The following ANKRD12 variants were observed in gnomAD, a reference collection of about 807,000 sequenced individuals.
The protein encoded by ANKRD12 is ankyrin repeat domain-containing protein 12.
In ANKRD12, 85 loss-of-function variants were observed where a neutral mutation model predicts 183.4. That is an observed-to-expected ratio of 0.46 (90% CI 0.39 to 0.56). ANKRD12 has a LOEUF of 0.56. Ranked by LOEUF, ANKRD12 falls within the 20% of genes least tolerant of loss-of-function variation. ANKRD12 has a pLI of 0.00. For missense variants in ANKRD12, 2,405 were observed against 2,357.1 expected, an observed-to-expected ratio of 1.02 and a Z score of -0.42; for synonymous variants, 914 against 800.2, an observed-to-expected ratio of 1.14 and a Z score of -2.40.
intron 1 of ANKRD12, among the ~76,000 whole-genome samples, chr18:9,143,709 C>G (rs1185742718): frequency 6.6e-6 from 1 of 152,190 alleles, no homozygotes; most frequent in African/African-American, 2.4e-5. Flanking sequence ...ATCCACCCAC[C>G]TTGGCCTCCC....
chr18:9,195,114 A>G (rs1039767512), intron 2 of ANKRD12, among the ~76,000 whole-genome samples: 3 of 152,206 alleles, frequency 2.0e-5, no homozygotes, highest in Non-Finnish European at 4.4e-5. Flanking sequence ...ACATGATCTC[A>G]TAAGTGGGAG....
intron 1 of ANKRD12, among the ~76,000 whole-genome samples, chr18:9,139,238 G>A (rs1226413965): frequency 1.3e-5 from 2 of 152,050 alleles, no homozygotes; most frequent in South Asian, 2.1e-4. Context: ...TACCCAAGGG[G>A]GAAAAAAGCC....
intron 10 of ANKRD12, among the ~76,000 whole-genome samples, chr18:9,271,313 G>A (rs893839864): frequency 1.3e-5 from 2 of 152,140 alleles, no homozygotes; most frequent in African/African-American, 2.4e-5. Flanking sequence ...TGAGGCAGGT[G>A]AGGAGATCGA....
intron 10 of ANKRD12, 82 bp downstream of exon 10, chr18:9,263,970 A>G (rs1598744609): frequency 9.0e-7 from 1 of 1,110,510 alleles, no homozygotes; most frequent in East Asian, 2.9e-5. Flanking sequence ...ATTTTTTATT[A>G]GTGGATTTTT....
At chr18:9,264,163 T>G (rs1261010733) in intron 10 of ANKRD12, among the ~76,000 whole-genome samples, 1 of 152,208 alleles carries the variant, frequency 6.6e-6, no homozygotes, top group Admixed American at 6.5e-5. Context: ...AGCAGTAGAT[T>G]CCTAGTGGAA....
intron 11 of ANKRD12, among the ~76,000 whole-genome samples, chr18:9,279,055 T>A (rs147620925): frequency 5.6e-4 from 85 of 152,330 alleles, no homozygotes; most frequent in African/African-American, 1.9e-3. Flanking sequence ...GTCTGTTAAT[T>A]CCAAAACTGG....
intron 1 of ANKRD12, among the ~76,000 whole-genome samples, chr18:9,155,647 T>G (rs1157200725): frequency 6.6e-6 from 1 of 152,234 alleles, no homozygotes. Context: ...GGTCAGACTT[T>G]TAAGTGAGAA....
At chr18:9,146,621 G>A (rs181942202) in intron 1 of ANKRD12, among the ~76,000 whole-genome samples, 1 of 152,276 alleles carries the variant, frequency 6.6e-6, no homozygotes, top group East Asian at 1.9e-4. Context: ...CTTTCTTTCA[G>A]CTATTAGAAT....
chr18:9,150,570 G>A (rs2078652081), intron 1 of ANKRD12, among the ~76,000 whole-genome samples: 1 of 152,120 alleles, frequency 6.6e-6, no homozygotes, highest in South Asian at 2.1e-4. Flanking sequence ...GATTGTAGAT[G>A]CCTGTACTTT....
rs1429997291 is a variant in ANKRD12 at position 9,281,638 on chromosome 18, A to T, written c.*512A>T. On this transcript the variant is annotated 3_prime_UTR_variant, in exon 13 of 13. Transcript: ENST00000262126. Reference sequence around the variant, plus strand: ...AGTTTTAATATTGTCTTCCTTTTTAATAACTTATTTTATACATATTGTGCA... The same window carrying T: ...AGTTTTAATATTGTCTTCCTTTTTATTAACTTATTTTATACATATTGTGCA... 6.6e-6 allele frequency: 1 copy of T among 152,666 alleles called. No homozygotes were observed. Among genetic ancestry groups the T allele is most frequent in the African/African-American group, 2.4e-5 (1 of 41,454 alleles). 9.5% of individuals were successfully genotyped at this position (152,666 alleles called of 1,614,324 possible).
intron 3 of ANKRD12, among the ~76,000 whole-genome samples, chr18:9,199,298 A>G (rs980327869): frequency 1.3e-5 from 2 of 152,164 alleles, no homozygotes; most frequent in Non-Finnish European, 2.9e-5. Flanking sequence ...GAAGGTGATC[A>G]TGATATTGGA....
intron 2 of ANKRD12, among the ~76,000 whole-genome samples, chr18:9,186,893 A>G (rs984898725): frequency 1.2e-4 from 18 of 151,752 alleles, no homozygotes; most frequent in Non-Finnish European, 2.6e-4. Flanking sequence ...CTGGGACTAC[A>G]GGTGCCCGCC....
intron 7 of ANKRD12, among the ~76,000 whole-genome samples, chr18:9,217,572 A>G (rs892735781): frequency 1.3e-5 from 2 of 152,196 alleles, no homozygotes; most frequent in Non-Finnish European, 2.9e-5. Context: ...TTACATTTCT[A>G]TAAGGCATTT....
intron 2 of ANKRD12, among the ~76,000 whole-genome samples, chr18:9,192,291 T>C (rs947149983): frequency 3.9e-5 from 6 of 152,224 alleles, no homozygotes; most frequent in Admixed American, 2.0e-4. Context: ...GATGTTATTC[T>C]TGTCACTTTG....
intron 1 of ANKRD12, among the ~76,000 whole-genome samples, chr18:9,141,593 G>A (rs1047271181): frequency 6.6e-6 from 1 of 152,190 alleles, no homozygotes; most frequent in African/African-American, 2.4e-5. Flanking sequence ...AAAGGAGGTA[G>A]ATTATGAAGC....
chr18:9,267,014 C>T (rs1404241477), intron 10 of ANKRD12, among the ~76,000 whole-genome samples: 1 of 151,918 alleles, frequency 6.6e-6, no homozygotes, highest in Non-Finnish European at 1.5e-5. Flanking sequence ...TCAAAAGAGA[C>T]AAAGAAGGCC....
chr18:9,147,644 G>A (rs1471203685), intron 1 of ANKRD12, among the ~76,000 whole-genome samples: 1 of 152,160 alleles, frequency 6.6e-6, no homozygotes, highest in African/African-American at 2.4e-5. Context: ...TGAGAGCAGT[G>A]TGACTAGAGG....
At chr18:9,213,625 AGT>A (rs1396977735) in intron 6 of ANKRD12, among the ~76,000 whole-genome samples, 1 of 151,842 alleles carries the variant, frequency 6.6e-6, no homozygotes, top group East Asian at 1.9e-4. Flanking sequence ...TATTCATCTA[AGT>A]TTTATAAATA....
At chr18:9,197,245 A>G (rs1478193303) in intron 3 of ANKRD12, among the ~76,000 whole-genome samples, 3 of 152,296 alleles carry the variant, frequency 2.0e-5, no homozygotes, top group East Asian at 3.9e-4. Context: ...AACCTAATTC[A>G]TATGTCTAAA....
Sources: gnomAD v4.1 joint callset for allele counts (sites outside exome capture counted in the v4.1 genomes callset) on GRCh38, gnomAD v4.1.1 for gene constraint, MANE v1.5 for transcripts, NCBI Gene and HGNC (gene_info 2026-07-23, HGNC 2026-07-21) for gene names.